CDH10: variants seen among roughly 807,000 people sequenced by gnomAD.
CDH10 encodes the protein cadherin-10.
A neutral mutation model predicts 73.1 loss-of-function variants in CDH10; 30 were observed. The observed-to-expected ratio is 0.41, with a 90% CI of 0.31 to 0.56. CDH10 has a LOEUF of 0.56. CDH10 is among the 20% of genes least tolerant of loss of function. The probability of loss-of-function intolerance (pLI) is 0.27; values close to 1 mark genes in which losing one functional copy is unlikely to be tolerated. For missense variants in CDH10, 815 were observed against 973.7 expected, an observed-to-expected ratio of 0.84 and a Z score of 2.17; for synonymous variants, 345 against 348.2, an observed-to-expected ratio of 0.99 and a Z score of 0.10.
At chr5:24,492,706 T>A in intron 10 of CDH10, 111 bp downstream of exon 10, 1 of 586,254 alleles carries the variant, frequency 1.7e-6, no homozygotes, top group South Asian at 2.6e-5. Flanking sequence ...AAAACAAAAT[T>A]GTATAACTCA....
At chr5:24,495,689 T>C (rs1742252833) in intron 9 of CDH10, among the ~76,000 whole-genome samples, 1 of 151,160 alleles carries the variant, frequency 6.6e-6, no homozygotes, top group Admixed American at 6.6e-5. Flanking sequence ...TCTACTAAAA[T>C]ACAAAAAATC....
Position 24,625,513 on chromosome 5 carries a change from G to A in CDH10, c.-124+19081C>T, listed in dbSNP as rs576518372. ...GTATTACGTCTTTAAATTTAGATGCGAGATCTGACTGAGATCAATCTATTT... is the reference window on the plus strand; with the variant it reads ...GTATTACGTCTTTAAATTTAGATGCAAGATCTGACTGAGATCAATCTATTT... On this transcript the variant is annotated intron_variant, in intron 1 of 11. Transcript: ENST00000264463. Among the ~76,000 whole-genome samples, 13 of 148,318 alleles carry A rather than the reference G, an allele frequency of 8.8e-5. No homozygotes were observed. In the East Asian group the frequency reaches 1.8e-3, roughly 20 times the overall value.
rs751881000 is a variant in CDH10, at chr5:24,487,879, C to G, written c.2151G>C (p.Arg717Ser). ...TGGGGTCAAGATCATGCTCTTTTAG[C>G]CTTTCATTAATGAAATCCCGGACGT... Reference protein sequence around the residue: ...NTDVRDFINERLKEHDLDPTA... With the variant: ...NTDVRDFINESLKEHDLDPTA... Residue 717 changes from arginine (R) to serine (S), a missense_variant, in exon 12 of 12, where the codon AGG becomes AGC. By Grantham distance (110) the Arg-to-Ser change is moderately radical (BLOSUM62 -1). Coordinates refer to ENST00000264463, the MANE Select transcript of CDH10 (RefSeq NM_006727.5). The G allele has an allele frequency of 6.2e-7, 1 of 1,613,750 alleles. No individual in the cohort carries two copies. The highest frequency in any genetic ancestry group is 8.5e-7 in the Non-Finnish European group (1 of 1,179,928).
intron 1 of CDH10, among the ~76,000 whole-genome samples, chr5:24,602,432 T>G (rs1043307325): frequency 2.6e-5 from 4 of 152,064 alleles, no homozygotes; most frequent in African/African-American, 7.2e-5. Context: ...TCAAGCAGAG[T>G]GCTGCTCAGC....
At chr5:24,607,653 T>C (rs1186044325) in intron 1 of CDH10, among the ~76,000 whole-genome samples, 1 of 152,226 alleles carries the variant, frequency 6.6e-6, no homozygotes, top group African/African-American at 2.4e-5. Flanking sequence ...CGTTAGTTTT[T>C]TATGACTTTT....
chr5:24,530,039 A>T, intron 5 of CDH10, among the ~76,000 whole-genome samples: 2 of 110,578 alleles, frequency 1.8e-5, no homozygotes, highest in Non-Finnish European at 3.9e-5. Context: ...TTTTTTTTGA[A>T]CTAGTGTCTA....
chr5:24,644,100 G>T (rs1374805108), intron 1 of CDH10, among the ~76,000 whole-genome samples: 8 of 152,094 alleles, frequency 5.3e-5, no homozygotes, highest in African/African-American at 1.7e-4. Flanking sequence ...TCTGTCTTCT[G>T]CCTGTCATTT....
At chr5:24,580,704 C>A (rs1745768759) in intron 2 of CDH10, among the ~76,000 whole-genome samples, 1 of 152,060 alleles carries the variant, frequency 6.6e-6, no homozygotes, top group Non-Finnish European at 1.5e-5. Context: ...AACCACAAAC[C>A]CAATGAATTA....
chr5:24,511,263 G>T, intron 6 of CDH10, 64 bp downstream of exon 6: 1 of 937,522 alleles, frequency 1.1e-6, no homozygotes, highest in Non-Finnish European at 1.7e-6. Context: ...CATGAGCGAA[G>T]AGTATATAAT....
intron 1 of CDH10, among the ~76,000 whole-genome samples, chr5:24,622,581 G>A (rs966256109): frequency 6.6e-6 from 1 of 152,140 alleles, no homozygotes. Context: ...TTTTGACAGT[G>A]ATAATCATGA....
intron 2 of CDH10, among the ~76,000 whole-genome samples, chr5:24,584,365 G>A (rs561120754): frequency 4.0e-5 from 6 of 150,384 alleles, no homozygotes; most frequent in East Asian, 2.0e-4. Flanking sequence ...GTGACTTTGA[G>A]CTTAATAGTT....
chr5:24,552,597 T>C (rs909614175), intron 2 of CDH10, among the ~76,000 whole-genome samples: 4 of 152,028 alleles, frequency 2.6e-5, no homozygotes, highest in African/African-American at 9.7e-5. Flanking sequence ...CAATGCAGAT[T>C]TCCTTGTTAA....
At chr5:24,638,827 T>G (rs1313088658) in intron 1 of CDH10, among the ~76,000 whole-genome samples, 1 of 151,846 alleles carries the variant, frequency 6.6e-6, no homozygotes, top group Non-Finnish European at 1.5e-5. Context: ...TCTTATTTGA[T>G]GTAATAAGTT....
chr5:24,564,192 C>T (rs1401417939), intron 2 of CDH10, among the ~76,000 whole-genome samples: 4 of 152,264 alleles, frequency 2.6e-5, no homozygotes, highest in Admixed American at 1.3e-4. Flanking sequence ...TTGGACACAA[C>T]AAAGAAATAT....
At chr5:24,511,059 G>A (rs73743611) in intron 6 of CDH10, among the ~76,000 whole-genome samples, 5,113 of 152,230 alleles carry the variant, frequency 0.034, 291 homozygotes, top group African/African-American at 0.11. Flanking sequence ...TTTTATTAAT[G>A]TGGCTTAGAA....
At chr5:24,538,277 CTG>C (rs1172503626) in intron 2 of CDH10, among the ~76,000 whole-genome samples, 1 of 152,028 alleles carries the variant, frequency 6.6e-6, no homozygotes, top group Non-Finnish European at 1.5e-5. Flanking sequence ...TAACACATGT[CTG>C]TAAATTTTAA....
At chr5:24,504,843 A>G (rs1742646800) in intron 8 of CDH10, among the ~76,000 whole-genome samples, 1 of 151,910 alleles carries the variant, frequency 6.6e-6, no homozygotes, top group South Asian at 2.1e-4. Context: ...GTTTCATGTC[A>G]ATGTTATTTT....
Position 24,626,208 on chromosome 5 carries a change from G to A in CDH10, c.-124+18386C>T, listed in dbSNP as rs138630061. On this transcript the variant is annotated intron_variant, in intron 1 of 11. Coordinates refer to ENST00000264463, the MANE Select transcript of CDH10 (RefSeq NM_006727.5). ...AATGTGGTTGACGACTATGTGAATAGGCACTGGGAGCTAACAGAGAGAGTT... is the reference window on the plus strand; with the variant it reads ...AATGTGGTTGACGACTATGTGAATAAGCACTGGGAGCTAACAGAGAGAGTT... Among the ~76,000 whole-genome samples, 435 of 152,256 alleles carry A rather than the reference G, an allele frequency of 2.9e-3. 1 individual carries two copies. The highest frequency in any genetic ancestry group is 4.5e-3 in the Non-Finnish European group (309 of 67,996).
intron 1 of CDH10, among the ~76,000 whole-genome samples, chr5:24,603,796 T>C (rs1251900496): frequency 6.6e-6 from 1 of 152,120 alleles, no homozygotes; most frequent in Non-Finnish European, 1.5e-5. Context: ...CCACTTGTAT[T>C]CAACTTTAAA....
Sources: allele counts gnomAD v4.1 joint callset (sites outside exome capture counted in the v4.1 genomes callset), GRCh38; gene constraint gnomAD v4.1.1; transcripts MANE v1.5; gene names NCBI Gene and HGNC (gene_info 2026-07-23, HGNC 2026-07-21).